CPNE4: variants seen among roughly 807,000 people sequenced by gnomAD.
CPNE4 encodes copine 4.
A neutral mutation model predicts 67.9 loss-of-function variants in CPNE4; 25 were observed. The ratio of observed to expected loss-of-function variants is 0.37; its 90% confidence interval spans 0.27 to 0.51. CPNE4 has a LOEUF of 0.51. Among genes scored for constraint, CPNE4 ranks in the 20% least tolerant of loss-of-function variants. The probability of loss-of-function intolerance (pLI) is 0.93; values close to 1 mark genes in which losing one functional copy is unlikely to be tolerated. For missense variants in CPNE4, 464 were observed against 690.8 expected, an observed-to-expected ratio of 0.67 and a Z score of 3.68; for synonymous variants, 242 against 244.9, an observed-to-expected ratio of 0.99 and a Z score of 0.11.
chr3:131,731,625 C>A (rs961238603), intron 2 of CPNE4, among the ~76,000 whole-genome samples: 2 of 152,170 alleles, frequency 1.3e-5, no homozygotes, highest in African/African-American at 4.8e-5. Context: ...CCAGTCCACT[C>A]AGCTTGAGGG....
intron 3 of CPNE4, among the ~76,000 whole-genome samples, chr3:131,719,560 T>C (rs2081826513): frequency 6.6e-6 from 1 of 152,218 alleles, no homozygotes; most frequent in Non-Finnish European, 1.5e-5. Context: ...AGCCAGCCTG[T>C]CCTTCTTTTT....
At chr3:131,900,838 A>T (rs2107764765) in intron 2 of CPNE4, among the ~76,000 whole-genome samples, 1 of 152,272 alleles carries the variant, frequency 6.6e-6, no homozygotes, top group South Asian at 2.1e-4. Flanking sequence ...ACTAACAATA[A>T]TTACCAACAA....
At chr3:131,835,226 T>C (rs1034456411) in intron 2 of CPNE4, among the ~76,000 whole-genome samples, 5 of 151,966 alleles carry the variant, frequency 3.3e-5, no homozygotes, top group African/African-American at 1.2e-4. Flanking sequence ...CACAAAAGGG[T>C]ACAGAATAAA....
chr3:131,633,713 G>A (rs755093172), intron 7 of CPNE4, among the ~76,000 whole-genome samples: 8 of 151,610 alleles, frequency 5.3e-5, no homozygotes, highest in Non-Finnish European at 1.0e-4. Context: ...ATTTGTACTC[G>A]TTATGAAGAA....
At chr3:131,583,075 C>T (rs1937947453) in intron 8 of CPNE4, among the ~76,000 whole-genome samples, 1 of 152,126 alleles carries the variant, frequency 6.6e-6, no homozygotes, top group Admixed American at 6.6e-5. Flanking sequence ...GATCTTATAC[C>T]AGTGAAGAGT....
intron 10 of CPNE4, among the ~76,000 whole-genome samples, chr3:131,571,987 A>G (rs1261542694): frequency 6.6e-6 from 1 of 152,098 alleles, no homozygotes; most frequent in Admixed American, 6.6e-5. Context: ...CAAAACCCCA[A>G]TATCATGTTT....
intron 2 of CPNE4, among the ~76,000 whole-genome samples, chr3:131,803,670 C>T (rs1416072509): frequency 6.6e-6 from 1 of 152,250 alleles, no homozygotes; most frequent in Non-Finnish European, 1.5e-5. Flanking sequence ...AGACAACTCT[C>T]TGCCCTTGTG....
chr3:131,688,916 C>G (rs1483781153), intron 5 of CPNE4, among the ~76,000 whole-genome samples: 1 of 152,136 alleles, frequency 6.6e-6, no homozygotes, highest in South Asian at 2.1e-4. Flanking sequence ...TACCCTATTT[C>G]TTTTGCTTGT....
chr3:131,712,183 T>C (rs1049207187), intron 3 of CPNE4, among the ~76,000 whole-genome samples: 8 of 152,236 alleles, frequency 5.3e-5, no homozygotes, highest in African/African-American at 1.4e-4. Context: ...GAAGTCAGCA[T>C]GCGGGTCTTA....
intron 6 of CPNE4, among the ~76,000 whole-genome samples, chr3:131,680,811 G>A (rs374594924): frequency 4.6e-5 from 7 of 151,864 alleles, no homozygotes; most frequent in African/African-American, 9.7e-5. Context: ...GTCTTTTATC[G>A]CTCAACCCCC....
intron 4 of CPNE4, among the ~76,000 whole-genome samples, chr3:131,698,212 G>A: frequency 8.0e-6 from 1 of 125,346 alleles, no homozygotes; most frequent in African/African-American, 3.2e-5. Flanking sequence ...TCCAGCCTGG[G>A]AGAGGGGCAA....
intron 2 of CPNE4, among the ~76,000 whole-genome samples, chr3:131,870,538 A>G (rs1357074483): frequency 2.0e-5 from 3 of 152,096 alleles, no homozygotes; most frequent in East Asian, 1.9e-4. Context: ...GTCAAGGAGA[A>G]AAGTCCAATA....
chr3:131,862,439 T>C (rs2086728420), intron 2 of CPNE4, among the ~76,000 whole-genome samples: 1 of 152,172 alleles, frequency 6.6e-6, no homozygotes, highest in Non-Finnish European at 1.5e-5. Flanking sequence ...TTTCAAAATA[T>C]CCTACCAGGT....
rs556061948 is a variant in CPNE4, at chr3:131,993,114, T to C, written c.-2+41453A>G. 5.3e-4 allele frequency among the ~76,000 whole-genome samples: 72 copies of C among 136,242 alleles called. 3 individuals are homozygous for C. Among genetic ancestry groups the C allele is most frequent in the African/African-American group, 1.7e-3 (71 of 40,760 alleles). 89.4% of individuals were successfully genotyped at this position (136,242 alleles called of 152,430 possible). Reference sequence around the variant, plus strand: ...GCACATGATTTGCTTTTCAGCAAACTTGCTTTTCAGCAGACCTAGAGAATG... The same window carrying C: ...GCACATGATTTGCTTTTCAGCAAACCTGCTTTTCAGCAGACCTAGAGAATG... On this transcript the variant is annotated intron_variant, in intron 1 of 15. Coordinates refer to ENST00000429747, the MANE Select transcript of CPNE4 (RefSeq NM_130808.3).
At chr3:131,731,544 C>A (rs1198868017) in intron 2 of CPNE4, among the ~76,000 whole-genome samples, 1 of 152,050 alleles carries the variant, frequency 6.6e-6, no homozygotes, top group Non-Finnish European at 1.5e-5. Context: ...GTTCCTTTTC[C>A]CCAGTGTGAG....
At chr3:131,673,017 A>C (rs543925225) in intron 6 of CPNE4, among the ~76,000 whole-genome samples, 1 of 152,090 alleles carries the variant, frequency 6.6e-6, no homozygotes, top group Non-Finnish European at 1.5e-5. Flanking sequence ...ATTTTTGTAT[A>C]TGGTAAGAGA....
intron 5 of CPNE4, among the ~76,000 whole-genome samples, chr3:131,686,351 G>A (rs1275605461): frequency 6.6e-6 from 1 of 152,202 alleles, no homozygotes; most frequent in Non-Finnish European, 1.5e-5. Flanking sequence ...TTATTTTAAT[G>A]CCTATGTAAT....
chr3:131,838,684 T>C (rs755254993), intron 2 of CPNE4, among the ~76,000 whole-genome samples: 1 of 151,660 alleles, frequency 6.6e-6, no homozygotes, highest in African/African-American at 2.4e-5. Context: ...ATACAGAAGG[T>C]ATTAAAGTAC....
chr3:131,954,968 G>GGA (rs371291768), intron 1 of CPNE4, among the ~76,000 whole-genome samples: 4 of 137,506 alleles, frequency 2.9e-5, no homozygotes, highest in East Asian at 2.1e-4. Flanking sequence ...GTATGCATGT[G>GGA]AAAAAAAAAA....
Sources: allele counts gnomAD v4.1 joint callset (sites outside exome capture counted in the v4.1 genomes callset), GRCh38; gene constraint gnomAD v4.1.1; transcripts MANE v1.5; gene names NCBI Gene and HGNC (gene_info 2026-07-23, HGNC 2026-07-21).